TNRC6B: variants seen among roughly 807,000 people sequenced by gnomAD.
TNRC6B encodes the protein trinucleotide repeat containing adaptor 6B.
A neutral mutation model predicts 203.6 loss-of-function variants in TNRC6B; 52 were observed. The observed-to-expected ratio is 0.26, with a 90% CI of 0.20 to 0.32. The LOEUF (loss-of-function observed/expected upper bound fraction) is 0.32. TNRC6B is among the 10% of genes least tolerant of loss of function. The probability of loss-of-function intolerance (pLI) is 1.00; values close to 1 mark genes in which losing one functional copy is unlikely to be tolerated. For synonymous variants in TNRC6B, 838 were observed against 845.7 expected, an observed-to-expected ratio of 0.99 and a Z score of 0.16; for missense variants, 1,923 against 2,286.2, an observed-to-expected ratio of 0.84 and a Z score of 3.24.
chr22:40,295,234 G>A (rs1489945455), intron 12 of TNRC6B, among the ~76,000 whole-genome samples: 1 of 152,134 alleles, frequency 6.6e-6, no homozygotes, highest in African/African-American at 2.4e-5. Flanking sequence ...CTAGCATTTC[G>A]GGAGTCCGAG....
chr22:40,233,747 G>A (rs950177840), intron 1 of TNRC6B, among the ~76,000 whole-genome samples: 12 of 152,076 alleles, frequency 7.9e-5, no homozygotes, highest in Admixed American at 2.0e-4. Context: ...GGGCTATGTC[G>A]GCAAAAGTCT....
chr22:40,163,453 T>A (rs1266799757), intron 4 of TNRC6B, among the ~76,000 whole-genome samples: 3 of 18,044 alleles, frequency 1.7e-4, no homozygotes, highest in African/African-American at 8.7e-4. Flanking sequence ...TGAGACCCTG[T>A]CTCAAAAAAA....
At chr22:40,271,936 A>C (rs1053787640) in intron 6 of TNRC6B, among the ~76,000 whole-genome samples, 14 of 152,202 alleles carry the variant, frequency 9.2e-5, no homozygotes, top group Non-Finnish European at 2.9e-5. Context: ...CCTATGATTA[A>C]AAATTAGACC....
intron 21 of TNRC6B, 95 bp downstream of exon 21, chr22:40,316,107 C>G: frequency 1.7e-6 from 2 of 1,189,166 alleles, no homozygotes; most frequent in Non-Finnish European, 2.5e-6. Flanking sequence ...GTAATCCAAG[C>G]ACTTTGGGAG....
intron 3 of TNRC6B, among the ~76,000 whole-genome samples, chr22:40,256,360 T>C (rs930746301): frequency 3.9e-5 from 6 of 152,192 alleles, no homozygotes; most frequent in African/African-American, 1.4e-4. Context: ...TGTTTTGTTT[T>C]GTTTTTAAGC....
chr22:40,229,420 A>AT (rs375047921), intron 1 of TNRC6B, among the ~76,000 whole-genome samples: 16 of 151,062 alleles, frequency 1.1e-4, no homozygotes, highest in African/African-American at 3.9e-4. Context: ...GAAATGGGCC[A>AT]TTCCAGGTAT....
At chr22:40,280,335 A>G (rs997792031) in intron 10 of TNRC6B, among the ~76,000 whole-genome samples, 192 bp downstream of exon 10, 1 of 152,246 alleles carries the variant, frequency 6.6e-6, no homozygotes, top group Non-Finnish European at 1.5e-5. Flanking sequence ...AGCAAGAACC[A>G]TCTGTCTTTA....
intron 22 of TNRC6B, 63 bp from the exon 23 acceptor site, chr22:40,322,791 C>T: frequency 6.3e-7 from 1 of 1,593,424 alleles, no homozygotes; most frequent in South Asian, 1.1e-5. Context: ...ACTGCAGTCG[C>T]TCCCTCCGTA....
In TNRC6B at chr22:40,331,645, ATTTTTTTTT is replaced by A. The variant is rs10534254; in HGVS notation, c.*8421_*8429del. The stretch of plus-strand genomic sequence containing the variant: ...ACTGAATTTAAGAAGAGGTTGTTGG[ATTTTTTTTT>A]TTTTTTTTTTTTTTTTCAAAAAAAA... On this transcript the variant is annotated 3_prime_UTR_variant, in exon 23 of 23. Coordinates refer to ENST00000454349, the MANE Select transcript of TNRC6B (RefSeq NM_001162501.2). 4.9e-4 allele frequency: 65 copies of A among 133,274 alleles called. No individual in the cohort carries two copies. The highest frequency in any genetic ancestry group is 3.3e-3 in the Middle Eastern group (1 of 300). The allele number at this position is 133,274 out of a possible 1,614,324, so 8.3% of individuals were successfully genotyped here.
intron 3 of TNRC6B, among the ~76,000 whole-genome samples, chr22:40,143,743 G>T (rs112835067): frequency 0.025 from 3,836 of 152,236 alleles, 154 homozygotes; most frequent in African/African-American, 0.088. Flanking sequence ...TGATCCGCCC[G>T]CCTTGGCCAC....
At chr22:40,274,971 C>T (rs75863537) in intron 7 of TNRC6B, among the ~76,000 whole-genome samples, 11 of 152,204 alleles carry the variant, frequency 7.2e-5, no homozygotes, top group Admixed American at 2.0e-4. Flanking sequence ...TCTTGGCACC[C>T]TATGAAACGG....
At chr22:40,097,024 G>T (rs893872279) in intron 1 of TNRC6B, among the ~76,000 whole-genome samples, 3 of 152,166 alleles carry the variant, frequency 2.0e-5, no homozygotes, top group Non-Finnish European at 2.9e-5. Context: ...GGAGAACAGA[G>T]ACCCCATCCT....
intron 1 of TNRC6B, among the ~76,000 whole-genome samples, chr22:40,233,125 A>G (rs550399378): frequency 3.9e-5 from 6 of 151,900 alleles, no homozygotes; most frequent in Non-Finnish European, 5.9e-5. Context: ...GCCTAGCAAC[A>G]GAGTAAGATT....
intron 4 of TNRC6B, among the ~76,000 whole-genome samples, chr22:40,166,223 C>T (rs11089975): frequency 0.36 from 54,885 of 151,928 alleles, 13,340 homozygotes; most frequent in African/African-American, 0.69. Flanking sequence ...GAATACTCTT[C>T]AAGAAAAAGC....
chr22:40,283,328 G>A (rs1169807530), intron 11 of TNRC6B, among the ~76,000 whole-genome samples: 1 of 152,096 alleles, frequency 6.6e-6, no homozygotes, highest in Non-Finnish European at 1.5e-5. Context: ...GTGAGCCACC[G>A]TGCCCAGCCT....
chr22:40,234,229 C>T (rs957208495), intron 1 of TNRC6B, among the ~76,000 whole-genome samples: 32 of 152,142 alleles, frequency 2.1e-4, no homozygotes, highest in African/African-American at 3.4e-4. Context: ...GAGGCTGCAG[C>T]GAACCATGAT....
In TNRC6B at chr22:40,098,240, G is replaced by A. The variant is rs1381127030; in HGVS notation, c.-120-18815G>A. On this transcript the variant is annotated intron_variant, in intron 1 of 23. Transcript: ENST00000301923. Reference sequence around the variant, plus strand: ...ATCTCTACTAAAAATACAAAAATGAGCCGGGTGCGGTGGCGGGTGCCTGTA... The same window carrying A: ...ATCTCTACTAAAAATACAAAAATGAACCGGGTGCGGTGGCGGGTGCCTGTA... Among the ~76,000 whole-genome samples the A allele has an allele frequency of 2.0e-5, 3 of 151,890 alleles. No individual in the cohort carries two copies. In the East Asian group the frequency reaches 5.8e-4, roughly 29 times the overall value.
chr22:40,088,185 G>C (rs2068117057), intron 1 of TNRC6B, among the ~76,000 whole-genome samples: 1 of 152,016 alleles, frequency 6.6e-6, no homozygotes, highest in African/African-American at 2.4e-5. Flanking sequence ...GACCTTATAA[G>C]GTGGATATTT....
At position 40,331,497 on chromosome 22, in the gene TNRC6B, C is replaced by T; in HGVS notation, c.*8256C>T. The T allele has an allele frequency of 2.7e-6, 1 of 367,234 alleles. No individual in the cohort carries two copies. Among genetic ancestry groups the T allele is most frequent in the African/African-American group, 2.1e-5 (1 of 48,190 alleles). The allele number at this position is 367,234 out of a possible 1,614,324, so 22.7% of individuals were successfully genotyped here. A position where few individuals can be genotyped will look rare whatever the true frequency, so the allele number is the denominator to read the frequency against. On this transcript the variant is annotated 3_prime_UTR_variant, in exon 23 of 23. Coordinates refer to ENST00000454349, the MANE Select transcript of TNRC6B (RefSeq NM_001162501.2). The stretch of plus-strand genomic sequence containing the variant: ...TCCCCCAAAGAGGAGAACAGTCCCT[C>T]CCACTCGATTCCTTCAGCTTCATTC...
Sources: gnomAD v4.1 joint callset for allele counts (sites outside exome capture counted in the v4.1 genomes callset) on GRCh38, gnomAD v4.1.1 for gene constraint, MANE v1.5 for transcripts, NCBI Gene and HGNC (gene_info 2026-07-23, HGNC 2026-07-21) for gene names.